DARS1: variants seen among roughly 807,000 people sequenced by gnomAD.
DARS1 encodes the protein aspartyl-tRNA synthetase 1, also known as aspartate--tRNA ligase, cytoplasmic.
Under a neutral mutation model 68.8 loss-of-function variants are expected in DARS1, and 51 were observed. That is an observed-to-expected ratio of 0.74 (90% CI 0.59 to 0.94). The LOEUF is 0.94. Among genes scored for constraint, DARS1 ranks in the 40% least tolerant of loss-of-function variants. The pLI, the probability that DARS1 is intolerant of heterozygous loss-of-function variation, is 0.00. For synonymous variants in DARS1, 203 were observed against 190.4 expected (o/e 1.07, Z -0.55); for missense variants, 607 against 597.3 (o/e 1.02, Z -0.17).
intron 3 of DARS1, among the ~76,000 whole-genome samples, chr2:135,968,708 C>G (rs1455587804): frequency 6.8e-6 from 1 of 145,986 alleles, no homozygotes; most frequent in Non-Finnish European, 1.5e-5. Flanking sequence ...GTCACCCAGG[C>G]TGGAGTGTAG....
At chr2:135,919,905 G>A (rs945611911) in intron 10 of DARS1, among the ~76,000 whole-genome samples, 14 of 152,076 alleles carry the variant, frequency 9.2e-5, no homozygotes, top group African/African-American at 3.4e-4. Flanking sequence ...TTTACATGTC[G>A]ACAGATTCAG....
intron 7 of DARS1, among the ~76,000 whole-genome samples, chr2:135,928,453 T>C (rs1174430024): frequency 6.6e-6 from 1 of 151,534 alleles, no homozygotes; most frequent in Non-Finnish European, 1.5e-5. Context: ...AGTGCAGTGG[T>C]GTGATTTCAG....
At chr2:135,939,801 T>C (rs309148) in intron 5 of DARS1, among the ~76,000 whole-genome samples, 33,276 of 150,776 alleles carry the variant, frequency 0.22, 4,136 homozygotes, top group Middle Eastern at 0.4. Context: ...ATCAAATAGA[T>C]GCAATAAAAA....
In DARS1 at chr2:135,985,581, A is replaced by C; in HGVS notation, c.-113T>G. The C allele has an allele frequency of 6.4e-7, 1 of 1,569,628 alleles. No individual in the cohort carries two copies. The highest frequency in any genetic ancestry group is 8.7e-7 in the Non-Finnish European group (1 of 1,155,650). On this transcript the variant is annotated 5_prime_UTR_variant, in exon 1 of 16. Transcript: ENST00000264161. Reference sequence around the variant, plus strand: ...TCCGCCCTCCCGACCCTGGGGTCTCAGCACACGCGCTCGGACTCCGCGTGG... The same window carrying C: ...TCCGCCCTCCCGACCCTGGGGTCTCCGCACACGCGCTCGGACTCCGCGTGG...
chr2:135,964,840 CAAAAAAAAAAA>C lies in DARS1; in HGVS notation c.218-3353_218-3343del, dbSNP rs372676148. Among the ~76,000 whole-genome samples the C allele has an allele frequency of 4.4e-4, 22 of 49,640 alleles. 1 individual carries two copies. In the East Asian group the frequency reaches 8.0e-3, roughly 18 times the overall value. 32.6% of individuals were successfully genotyped at this position (49,640 alleles called of 152,430 possible). Reference sequence around the variant, plus strand: ...TGGGTAACAGAGCAAGACTCCACCTCAAAAAAAAAAAAAAAAAAAAAAAGAAGTGAAGAATG... The same window carrying C: ...TGGGTAACAGAGCAAGACTCCACCTCAAAAAAAAAAAAGAAGTGAAGAATG... On this transcript the variant is annotated intron_variant, in intron 3 of 15. Transcript: ENST00000264161.
intron 3 of DARS1, 158 bp downstream of exon 3, chr2:135,979,116 G>A (rs958587647): frequency 4.1e-6 from 2 of 489,822 alleles, no homozygotes; most frequent in Non-Finnish European, 7.2e-6. Context: ...ATCTAAAATT[G>A]ATTAACCATG....
chr2:135,910,903 G>A, intron 15 of DARS1: 1 of 422,308 alleles, frequency 2.4e-6, no homozygotes, highest in Non-Finnish European at 4.4e-6. Context: ...CAGCAGCAGA[G>A]AGAAAACAGG....
chr2:135,973,268 G>C (rs539082035), intron 3 of DARS1, among the ~76,000 whole-genome samples: 1 of 152,296 alleles, frequency 6.6e-6, no homozygotes, highest in South Asian at 2.1e-4. Context: ...CCTATCATCT[G>C]CAACAACATA....
At chr2:135,983,216 T>G (rs1441072285) in intron 2 of DARS1, among the ~76,000 whole-genome samples, 181 bp downstream of exon 2, 1 of 152,160 alleles carries the variant, frequency 6.6e-6, no homozygotes, top group Non-Finnish European at 1.5e-5. Context: ...TTTTCTAGAG[T>G]TGGAACCCTA....
In DARS1 at chr2:135,985,187, G is replaced by A. The variant is rs1030193268; in HGVS notation, c.66+216C>T. 7.1e-6 allele frequency: 5 copies of A among 700,224 alleles called. No individual in the cohort carries two copies. The Admixed American group carries it at 1.2e-4, about 17-fold the overall frequency. 43.4% of individuals were successfully genotyped at this position (700,224 alleles called of 1,614,324 possible). ...CCACCCCGGGGACACGCTTCTAGTA[G>A]GCCAAACTCCCAGGTGACCCCCGCA... On this transcript the variant is annotated intron_variant, in intron 1 of 15. Coordinates refer to ENST00000264161, the MANE Select transcript of DARS1 (RefSeq NM_001349.4).
chr2:135,910,213 T>A (rs528185002), intron 15 of DARS1, among the ~76,000 whole-genome samples: 1 of 152,154 alleles, frequency 6.6e-6, no homozygotes, highest in African/African-American at 2.4e-5. Context: ...ATATGGTAAT[T>A]CTCTTTGTAA....
At chr2:135,935,432 T>TAA (rs11340194) in intron 5 of DARS1, among the ~76,000 whole-genome samples, 3 of 149,654 alleles carry the variant, frequency 2.0e-5, no homozygotes, top group African/African-American at 4.9e-5. Context: ...CCATCTCTAC[T>TAA]AAAAAAAAAT....
At chr2:135,928,301 T>C (rs925558706) in intron 7 of DARS1, among the ~76,000 whole-genome samples, 2 of 152,278 alleles carry the variant, frequency 1.3e-5, no homozygotes, top group African/African-American at 2.4e-5. Context: ...TCAGGAGAGA[T>C]AGTAGAAAAG....
Position 135,914,508 on chromosome 2 carries a change from T to A in DARS1, c.1110A>T (p.Thr370=), listed in dbSNP as rs1250030687. The A allele has an allele frequency of 6.9e-7, 1 of 1,444,640 alleles. No homozygotes were observed. Among genetic ancestry groups the A allele is most frequent in the Admixed American group, 1.7e-5 (1 of 59,798 alleles). The allele number at this position is 1,444,640 out of a possible 1,614,324, so 89.5% of individuals were successfully genotyped here. A position where few individuals can be genotyped will look rare whatever the true frequency, so the allele number is the denominator to read the frequency against. ...VEMGDEDDLS[T]PNEKLLGHLV... is the part of the protein sequence containing the mutation. ...AATGACCCAACAGCTTTTCATTTGG[T>A]GTGCTGAAAAAGAAACGTGAAATCA... Residue 370 remains threonine, a synonymous_variant, in exon 12 of 16, where the codon ACA becomes ACT. Coordinates refer to ENST00000264161, the MANE Select transcript of DARS1 (RefSeq NM_001349.4).
intron 3 of DARS1, among the ~76,000 whole-genome samples, chr2:135,965,620 T>G (rs1231807902): frequency 6.6e-6 from 1 of 152,224 alleles, no homozygotes; most frequent in Non-Finnish European, 1.5e-5. Flanking sequence ...CGTTCCTTTA[T>G]AACTTGCTGA....
chr2:135,982,707 T>G (rs1682665097), intron 2 of DARS1, among the ~76,000 whole-genome samples: 1 of 151,974 alleles, frequency 6.6e-6, no homozygotes, highest in African/African-American at 2.4e-5. Context: ...TCCCAGACAC[T>G]AAAGCTACGA....
intron 12 of DARS1, among the ~76,000 whole-genome samples, chr2:135,913,029 G>A (rs1033913458): frequency 1.3e-5 from 2 of 151,182 alleles, no homozygotes; most frequent in African/African-American, 4.9e-5. Context: ...CCAGGCCTAC[G>A]GTTTAAATAT....
chr2:135,928,877 G>A (rs1391105359), intron 7 of DARS1, among the ~76,000 whole-genome samples: 1 of 152,052 alleles, frequency 6.6e-6, no homozygotes, highest in Non-Finnish European at 1.5e-5. Flanking sequence ...GACCTCAAGT[G>A]ATCCACTGTG....
chr2:135,984,064 T>C (rs576064070), intron 1 of DARS1, among the ~76,000 whole-genome samples: 2 of 152,304 alleles, frequency 1.3e-5, no homozygotes, highest in East Asian at 1.9e-4. Context: ...AATATAATAA[T>C]ATCAAATTTC....
Sources: gnomAD v4.1 joint callset for allele counts (sites outside exome capture counted in the v4.1 genomes callset) on GRCh38, gnomAD v4.1.1 for gene constraint, MANE v1.5 for transcripts, NCBI Gene and HGNC (gene_info 2026-07-23, HGNC 2026-07-21) for gene names.